The following CAPN5 variants were observed in gnomAD, a reference collection of about 807,000 sequenced individuals.
CAPN5 encodes the protein calpain-5.
A neutral mutation model predicts 73.0 loss-of-function variants in CAPN5; 54 were observed. That is an observed-to-expected ratio of 0.74 (90% confidence interval 0.59 to 0.93). The LOEUF (loss-of-function observed/expected upper bound fraction) is 0.93. CAPN5 is among the 40% of genes least tolerant of loss of function. CAPN5 has a pLI of 0.00. For missense variants in CAPN5, 785 were observed against 882.9 expected (o/e 0.89, Z 1.41); for synonymous variants, 335 against 356.9 (o/e 0.94, Z 0.69).
intron 3 of CAPN5, chr11:77,102,815 C>A: frequency 2.0e-6 from 3 of 1,535,270 alleles, no homozygotes; most frequent in Non-Finnish European, 1.8e-6. Context: ...GGGTCCTTGG[C>A]GTTGGTGGCA....
At position 77,084,864 on chromosome 11, in the gene CAPN5, C is replaced by T; in HGVS notation, c.-23C>T. On this transcript the variant is annotated 5_prime_UTR_variant, in exon 2 of 13. Transcript: ENST00000648180. ...CCTTCCTGTCCAGGTGTTCCCCCTC[C>T]CCTCCCTGGGGCAGCAGCCACCATG... 6.2e-7 allele frequency: 1 copy of T among 1,613,840 alleles called. No individual in the cohort carries two copies. The highest frequency in any genetic ancestry group is 1.6e-4 in the Middle Eastern group (1 of 6,062).
chr11:77,117,006 G>A (rs1950474632), intron 7 of CAPN5, among the ~76,000 whole-genome samples: 1 of 152,156 alleles, frequency 6.6e-6, no homozygotes. Context: ...GGGAGGTCAA[G>A]GTAGAAGGAT....
intron 9 of CAPN5, 180 bp downstream of exon 9, chr11:77,119,332 C>T (rs952156779): frequency 9.1e-6 from 6 of 659,512 alleles, no homozygotes; most frequent in African/African-American, 1.8e-5. Flanking sequence ...ACAGAGGGCC[C>T]AGCCTGCCCA....
At chr11:77,092,947 G>A (rs546015140) in intron 2 of CAPN5, among the ~76,000 whole-genome samples, 1 of 152,314 alleles carries the variant, frequency 6.6e-6, no homozygotes, top group South Asian at 2.1e-4. Context: ...ATGCACTCCA[G>A]CCTGGGCAAA....
At chr11:77,076,075 C>T (rs1206337771) in intron 1 of CAPN5, among the ~76,000 whole-genome samples, 1 of 152,192 alleles carries the variant, frequency 6.6e-6, no homozygotes, top group Non-Finnish European at 1.5e-5. Flanking sequence ...TCAAAATCTA[C>T]TCTCGGCCGG....
chr11:77,068,936 G>C (rs1324748557), intron 1 of CAPN5, among the ~76,000 whole-genome samples: 1 of 152,132 alleles, frequency 6.6e-6, no homozygotes, highest in Non-Finnish European at 1.5e-5. Context: ...GTGGGTTTTT[G>C]TGGGTGACAT....
intron 1 of CAPN5, among the ~76,000 whole-genome samples, 171 bp from the exon 2 acceptor site, chr11:77,084,681 C>A (rs782456602): frequency 3.3e-5 from 5 of 152,176 alleles, no homozygotes; most frequent in Non-Finnish European, 5.9e-5. Flanking sequence ...GGAGTCAGGC[C>A]GGTCGGTGTC....
At chr11:77,106,341 G>A (rs1347999895) in intron 3 of CAPN5, among the ~76,000 whole-genome samples, 1 of 150,614 alleles carries the variant, frequency 6.6e-6, no homozygotes, top group South Asian at 2.1e-4. Flanking sequence ...GCCACTCCTG[G>A]AGTTGCCCGA....
intron 3 of CAPN5, among the ~76,000 whole-genome samples, chr11:77,109,005 G>A (rs1555040363): frequency 6.6e-6 from 1 of 152,142 alleles, no homozygotes; most frequent in Non-Finnish European, 1.5e-5. Context: ...TGTCTTTTTG[G>A]TGGTGTTTGA....
At chr11:77,108,347 G>A (rs1950373554) in intron 3 of CAPN5, among the ~76,000 whole-genome samples, 1 of 152,216 alleles carries the variant, frequency 6.6e-6, no homozygotes, top group African/African-American at 2.4e-5. Context: ...AGCAGAAGGT[G>A]CCTCAAAGCT....
chr11:77,074,747 C>T (rs1211186045), intron 1 of CAPN5, among the ~76,000 whole-genome samples: 5 of 152,298 alleles, frequency 3.3e-5, no homozygotes, highest in Middle Eastern at 6.8e-3. Flanking sequence ...CTGGCTCCTT[C>T]GGCCGGCACT....
At chr11:77,121,515 C>T (rs782358667) in intron 10 of CAPN5, among the ~76,000 whole-genome samples, 25 of 152,268 alleles carry the variant, frequency 1.6e-4, no homozygotes, top group Non-Finnish European at 3.2e-4. Context: ...TGGAGTCAGA[C>T]GGCTCAGGGT....
chr11:77,086,089 T>C (rs1406510568), intron 2 of CAPN5, among the ~76,000 whole-genome samples: 1 of 152,112 alleles, frequency 6.6e-6, no homozygotes, highest in Non-Finnish European at 1.5e-5. Context: ...TGTGGGCCTG[T>C]GGAGAGCCAT....
At chr11:77,103,245 C>T (rs782380670) in intron 3 of CAPN5, 41 of 1,613,462 alleles carry the variant, frequency 2.5e-5, no homozygotes, top group South Asian at 1.1e-4. Context: ...GGCCAAGATC[C>T]GCAAGGTCAT....
intron 10 of CAPN5, 150 bp downstream of exon 10, chr11:77,121,059 C>T: frequency 1.4e-6 from 1 of 690,224 alleles, no homozygotes. Flanking sequence ...CCTTCTCTTC[C>T]CTTGTTCCCC....
intron 2 of CAPN5, among the ~76,000 whole-genome samples, chr11:77,090,043 C>T (rs1447967690): frequency 1.3e-5 from 2 of 152,208 alleles, no homozygotes; most frequent in Non-Finnish European, 2.9e-5. Flanking sequence ...GGGATGCCAA[C>T]AGTGCCCATC....
chr11:77,115,987 G>A (rs760348393), intron 6 of CAPN5, among the ~76,000 whole-genome samples: 21 of 152,090 alleles, frequency 1.4e-4, no homozygotes, highest in Non-Finnish European at 2.4e-4. Flanking sequence ...CCAGTCTGCA[G>A]CTTTACTTTC....
chr11:77,118,075 C>T (rs1555042030), intron 7 of CAPN5, 82 bp from the exon 8 acceptor site: 1 of 1,269,124 alleles, frequency 7.9e-7, no homozygotes, highest in Admixed American at 1.9e-5. Flanking sequence ...GCCATATGGA[C>T]ATATTAGGTT....
At chr11:77,115,088 T>C (rs1448224208) in intron 5 of CAPN5, among the ~76,000 whole-genome samples, 4 of 151,484 alleles carry the variant, frequency 2.6e-5, no homozygotes, top group African/African-American at 4.9e-5. Context: ...AACAAAACAA[T>C]GTTCCTGAAT....
Sources: gnomAD v4.1 joint callset for allele counts (sites outside exome capture counted in the v4.1 genomes callset) on GRCh38, gnomAD v4.1.1 for gene constraint, MANE v1.5 for transcripts, NCBI Gene and HGNC (gene_info 2026-07-23, HGNC 2026-07-21) for gene names.